Variants in NUP188 observed in about 807,000 individuals in gnomAD.
NUP188 encodes nucleoporin 188.
A neutral mutation model predicts 223.0 loss-of-function variants in NUP188; 97 were observed. The observed-to-expected ratio is 0.43, with a 90% confidence interval of 0.37 to 0.51. NUP188 has a LOEUF of 0.51. Among genes scored for constraint, NUP188 ranks in the 20% least tolerant of loss-of-function variants. The pLI, the probability that NUP188 is intolerant of heterozygous loss-of-function variation, is 0.00. For synonymous variants in NUP188, 869 were observed against 828.0 expected, an observed-to-expected ratio of 1.05 and a Z score of -0.85; for missense variants, 1,947 against 2,175.6, an observed-to-expected ratio of 0.89 and a Z score of 2.09.
intron 36 of NUP188, 74 bp downstream of exon 36, chr9:129,002,050 C>A: frequency 8.2e-7 from 1 of 1,220,702 alleles, no homozygotes; most frequent in Non-Finnish European, 1.2e-6. Flanking sequence ...TCCTCCCCTA[C>A]CTTTCCCCGG....
At chr9:129,002,038 T>C in intron 36 of NUP188, 62 bp downstream of exon 36, 4 of 1,330,730 alleles carry the variant, frequency 3.0e-6, no homozygotes, top group South Asian at 1.2e-5. Context: ...AGTTGAAAAG[T>C]GTCCTCCCCT....
In NUP188 at chr9:128,980,589, GTCCCC is replaced by G; in HGVS notation, c.1270-15_1270-11del. 1 of 1,602,174 alleles carries G rather than the reference GTCCCC, an allele frequency of 6.2e-7. No homozygotes were observed. Among genetic ancestry groups the G allele is most frequent in the South Asian group, 1.1e-5 (1 of 88,688 alleles). ...TGGATAATGTGAAGATCAGTGATTT[GTCCCC>G]TTCCACCACAGGAGCCAACTTCTGG... On this transcript the variant is annotated splice_polypyrimidine_tract_variant and intron_variant, in intron 13 of 43. Transcript: ENST00000372577.
chr9:128,963,915 C>G (rs1205741150), intron 8 of NUP188, among the ~76,000 whole-genome samples: 1 of 151,770 alleles, frequency 6.6e-6, no homozygotes, highest in African/African-American at 2.4e-5. Flanking sequence ...CTCCTGAGTT[C>G]AAGCGATTCT....
rs750406816 is a variant in NUP188 at position 128,947,764 on chromosome 9, T to A, written c.32+13T>A. Reference sequence around the variant, plus strand: ...GGCCGTGTGTGAGGTGCGGAGCGGGTCGAATGGACCGGGGTGGCTGTGAAG... The same window carrying A: ...GGCCGTGTGTGAGGTGCGGAGCGGGACGAATGGACCGGGGTGGCTGTGAAG... On this transcript the variant is annotated intron_variant, in intron 1 of 43. Coordinates refer to ENST00000372577, the MANE Select transcript of NUP188 (RefSeq NM_015354.3). 6.9e-5 allele frequency: 98 copies of A among 1,430,224 alleles called. No individual in the cohort carries two copies. The highest frequency in any genetic ancestry group is 8.4e-5 in the Non-Finnish European group (92 of 1,093,740). The allele number at this position is 1,430,224 out of a possible 1,614,324, so 88.6% of individuals were successfully genotyped here.
At chr9:128,994,469 TG>T in intron 28 of NUP188, 27 bp downstream of exon 28, 1 of 1,529,700 alleles carries the variant, frequency 6.5e-7, no homozygotes, top group Non-Finnish European at 9.1e-7. Context: ...GGCAGGATGG[TG>T]GCTACAAGTC....
chr9:128,999,768 A>T lies in NUP188; in HGVS notation c.3806A>T (p.Asp1269Val). The change falls in exon 34 of 44, where the codon GAC becomes GTC. Residue 1269 changes from aspartate to valine, a missense_variant. Coordinates refer to ENST00000372577, the MANE Select transcript of NUP188 (RefSeq NM_015354.3). The part of the protein sequence containing the change: ...TEDKDSMETD[D>V]CSRSRHRDQR... ...GACAAGGACAGCATGGAGACTGACG[A>T]CTGTTCTCGGTCCCGGCACAGGGAC... 1 of 1,614,168 alleles carries T rather than the reference A, an allele frequency of 6.2e-7. No homozygotes were observed. The highest frequency in any genetic ancestry group is 8.5e-7 in the Non-Finnish European group (1 of 1,180,042).
intron 12 of NUP188, among the ~76,000 whole-genome samples, chr9:128,977,536 A>G (rs1032128414): frequency 9.8e-5 from 15 of 152,308 alleles, no homozygotes; most frequent in Non-Finnish European, 8.8e-5. Context: ...TTGGCCAGGC[A>G]CAGTGGCTCA....
At chr9:128,976,190 T>C (rs1842173049) in intron 12 of NUP188, among the ~76,000 whole-genome samples, 1 of 152,224 alleles carries the variant, frequency 6.6e-6, no homozygotes, top group Non-Finnish European at 1.5e-5. Context: ...GTGTAAGACC[T>C]GAAATCTGCT....
chr9:128,991,911 T>C lies in NUP188; in HGVS notation c.2641-1286T>C, dbSNP rs1037104031. 4.1e-5 allele frequency among the ~76,000 whole-genome samples: 6 copies of C among 147,292 alleles called. No individual in the cohort carries two copies. The East Asian group carries it at 5.9e-4, about 14-fold the overall frequency. On this transcript the variant is annotated intron_variant, in intron 25 of 43. Transcript: ENST00000372577. Reference sequence around the variant, plus strand: ...TTCCTGGTACTGTTTTTCTTTCTTTTTTTTTTTTTTTTTTGAGACGGAGTC... The same window carrying C: ...TTCCTGGTACTGTTTTTCTTTCTTTCTTTTTTTTTTTTTTGAGACGGAGTC...
Position 128,970,956 on chromosome 9 carries a change from G to A in NUP188, c.1111G>A (p.Asp371Asn). ...CCAGTCCCTTGCCAGTGGGGGAAAT[G>A]ATGTGAGTTTAAGGCTCTGGGTGGT... ...LLQSLASGGNDCTTSTACMCV... is the reference protein window; with the variant it reads ...LLQSLASGGNNCTTSTACMCV... Residue 371 changes from aspartate to asparagine, a missense_variant and splice_region_variant, in exon 11 of 44, where the codon GAT (aspartate) becomes AAT (asparagine). Asp to Asn is a conservative substitution (Grantham distance 23). Around this residue, in one of 3 missense-constraint regions of NUP188, gnomAD observed 817 missense variants for 865.8 expected, o/e 0.94. Transcript: ENST00000372577. The A allele has an allele frequency of 6.2e-7, 1 of 1,613,452 alleles. No homozygotes were observed. The highest frequency in any genetic ancestry group is 8.5e-7 in the Non-Finnish European group (1 of 1,179,386).
Position 129,006,916 on chromosome 9 carries a change from C to T in NUP188, c.*238C>T, listed in dbSNP as rs555729230. On this transcript the variant is annotated 3_prime_UTR_variant, in exon 44 of 44. Coordinates refer to ENST00000372577, the MANE Select transcript of NUP188 (RefSeq NM_015354.3). ...GCTCAGGTCCTCACGCTGCAGACGC[C>T]CCCTAGAGGAACTTTCCTTCCTTTC... 5 of 414,564 alleles carry T rather than the reference C, an allele frequency of 1.2e-5. No homozygotes were observed. Among genetic ancestry groups the T allele is most frequent in the South Asian group, 6.1e-5 (1 of 16,294 alleles). The allele number at this position is 414,564 out of a possible 1,614,324, so 25.7% of individuals were successfully genotyped here.
chr9:128,961,012 G>A (rs1841940852), intron 8 of NUP188, among the ~76,000 whole-genome samples: 1 of 151,036 alleles, frequency 6.6e-6, no homozygotes. Context: ...TTGAGCCTAG[G>A]AGGCAGAGGT....
rs771207242 is a variant in NUP188 at position 128,952,835 on chromosome 9, C to T, written c.150C>T (p.Tyr50=). Residue 50 remains tyrosine, a synonymous_variant, in exon 3 of 44, where the codon TAC becomes TAT. Transcript: ENST00000372577. ...GATTGTTAGAGGGGCTTTCTTACTA[C>T]AAACCTCCCAGGTATGGCAGTTCCG... is the stretch of plus-strand genomic sequence containing the variant. The part of the protein sequence containing the change: ...WRRLLEGLSY[Y]KPPSPSSAEK... 1.9e-6 allele frequency: 3 copies of T among 1,613,262 alleles called. No individual in the cohort carries two copies. The Admixed American group carries it at 5.0e-5, about 27-fold the overall frequency.
In NUP188 at chr9:129,006,576, C is replaced by T. The variant is rs540091414; in HGVS notation, c.5148C>T (p.Pro1716=). The T allele has an allele frequency of 4.3e-6, 7 of 1,614,242 alleles. No individual in the cohort carries two copies. The South Asian group carries it at 4.4e-5, about 10-fold the overall frequency. The change falls in exon 44 of 44, where the codon CCC becomes CCT. Residue 1716 remains proline, a synonymous_variant. Coordinates refer to ENST00000372577, the MANE Select transcript of NUP188 (RefSeq NM_015354.3). ...APSSPATGVL[P]SPQGKSTSLS... ...GCTCCCCTGCCACTGGTGTCCTCCC[C>T]TCGCCGCAGGGCAAGTCCACCTCTC...
intron 3 of NUP188, among the ~76,000 whole-genome samples, chr9:128,954,141 T>G (rs953190808): frequency 1.3e-5 from 2 of 151,800 alleles, no homozygotes; most frequent in African/African-American, 4.8e-5. Flanking sequence ...ATTGTTTTCT[T>G]TACTATCTTT....
In NUP188 at chr9:129,005,353, GC is replaced by G; in HGVS notation, c.4562del (p.Pro1521HisfsTer72). The G allele has an allele frequency of 1.2e-6, 2 of 1,613,912 alleles. No individual in the cohort carries two copies. Among genetic ancestry groups the G allele is most frequent in the South Asian group, 2.2e-5 (2 of 91,086 alleles). Reference sequence around the variant, plus strand: ...CAGCTGTTGCCCAGCGAGTCCAGAGGCCACCGTCTGCTGCTTCTGCTGCCCC... The same window carrying G: ...CAGCTGTTGCCCAGCGAGTCCAGAGGCACCGTCTGCTGCTTCTGCTGCCCC... ...PSAVAQRVQR[P>X]PSAASAAPSS... On this transcript the variant is annotated frameshift_variant, in exon 40 of 44. Transcript: ENST00000372577. LOFTEE classifies it high-confidence loss of function.
chr9:128,954,530 G>A (rs565333507), intron 3 of NUP188, among the ~76,000 whole-genome samples: 2 of 152,122 alleles, frequency 1.3e-5, no homozygotes, highest in Admixed American at 1.3e-4. Flanking sequence ...GACTACAGGC[G>A]CCCGCCACCA....
chr9:129,002,507 G>A (rs1271756498), intron 36 of NUP188, among the ~76,000 whole-genome samples: 1 of 152,186 alleles, frequency 6.6e-6, no homozygotes, highest in Non-Finnish European at 1.5e-5. Context: ...GAAGTATTTG[G>A]TCATCTAGCC....
chr9:128,971,482 G>A (rs987915079), intron 11 of NUP188, among the ~76,000 whole-genome samples: 8 of 151,448 alleles, frequency 5.3e-5, no homozygotes, highest in African/African-American at 1.9e-4. Flanking sequence ...GCAGTGGCAC[G>A]ATCTTGGCTC....
Sources: gnomAD v4.1 joint callset for allele counts (sites outside exome capture counted in the v4.1 genomes callset) on GRCh38, gnomAD v4.1.1 for gene constraint, gnomAD v4.1.1 regional missense constraint, MANE v1.5 for transcripts, NCBI Gene and HGNC (gene_info 2026-07-23, HGNC 2026-07-21) for gene names.